NRG3: variants seen among roughly 807,000 people sequenced by gnomAD.
NRG3 encodes the protein pro-neuregulin-3, membrane-bound isoform.
In NRG3, 31 loss-of-function variants were observed where a neutral mutation model predicts 66.9. The ratio of observed to expected loss-of-function variants is 0.46; its 90% confidence interval spans 0.35 to 0.63. The LOEUF (loss-of-function observed/expected upper bound fraction) is 0.63. NRG3 is among the 20% of genes least tolerant of loss of function. NRG3 has a pLI of 0.00. For synonymous variants in NRG3, 393 were observed against 359.4 expected (o/e 1.09, Z -1.06); for missense variants, 910 against 878.9 (o/e 1.04, Z -0.45).
At chr10:82,441,642 C>T (rs1349249157) in intron 2 of NRG3, among the ~76,000 whole-genome samples, 1 of 152,084 alleles carries the variant, frequency 6.6e-6, no homozygotes, top group Non-Finnish European at 1.5e-5. Flanking sequence ...GGAAGAGGAT[C>T]CCCGCAAATC....
intron 1 of NRG3, among the ~76,000 whole-genome samples, chr10:82,220,414 G>A (rs568380753): frequency 6.6e-6 from 1 of 152,206 alleles, no homozygotes; most frequent in South Asian, 2.1e-4. Flanking sequence ...TGTGAGCCTA[G>A]AGTGAAAAAC....
chr10:82,924,988 C>T (rs1846837991), intron 4 of NRG3, among the ~76,000 whole-genome samples: 1 of 152,176 alleles, frequency 6.6e-6, no homozygotes, highest in Non-Finnish European at 1.5e-5. Flanking sequence ...AGTGATTACT[C>T]ATCACATGCC....
At chr10:82,422,848 T>C (rs988128718) in intron 2 of NRG3, among the ~76,000 whole-genome samples, 4 of 151,944 alleles carry the variant, frequency 2.6e-5, no homozygotes, top group African/African-American at 9.7e-5. Context: ...TTGTTGAGAG[T>C]GGCATGCTCA....
At position 82,189,824 on chromosome 10, in the gene NRG3, G is replaced by T. The variant is rs140894820; in HGVS notation, c.824-168915G>T. Among the ~76,000 whole-genome samples, 381 of 151,878 alleles carry T rather than the reference G, an allele frequency of 2.5e-3. 3 individuals are homozygous for T. The highest frequency in any genetic ancestry group is 8.8e-3 in the African/African-American group (366 of 41,460). ...AAATAAATAAATAAATTAGCCAGATGTGGTGGCGAGCACCTGTAATCCCAG... is the reference window on the plus strand; with the variant it reads ...AAATAAATAAATAAATTAGCCAGATTTGGTGGCGAGCACCTGTAATCCCAG... On this transcript the variant is annotated intron_variant, in intron 1 of 8. Coordinates refer to ENST00000372141, the MANE Select transcript of NRG3 (RefSeq NM_001010848.4).
chr10:82,389,568 A>G (rs1005828547), intron 2 of NRG3, among the ~76,000 whole-genome samples: 1 of 152,210 alleles, frequency 6.6e-6, no homozygotes, highest in Non-Finnish European at 1.5e-5. Flanking sequence ...GAAGAAAAAA[A>G]TACAAACATT....
intron 1 of NRG3, among the ~76,000 whole-genome samples, chr10:82,244,806 T>C (rs1392477642): frequency 6.6e-6 from 1 of 152,094 alleles, no homozygotes. Context: ...TGATCTCGGC[T>C]CACTGCAACT....
intron 1 of NRG3, among the ~76,000 whole-genome samples, chr10:82,199,763 G>A (rs1196818033): frequency 6.6e-6 from 1 of 151,990 alleles, no homozygotes; most frequent in African/African-American, 2.4e-5. Context: ...TCTACACTTG[G>A]TGCCTACAAT....
Position 82,159,025 on chromosome 10 carries a change from A to G in NRG3, c.824-199714A>G, listed in dbSNP as rs187390205. Reference sequence around the variant, plus strand: ...AGTCTTTAGCTGTAGATAGGTTTCAATTTTTTTTAGTAGGCTTCAAATTCC... The same window carrying G: ...AGTCTTTAGCTGTAGATAGGTTTCAGTTTTTTTTAGTAGGCTTCAAATTCC... On this transcript the variant is annotated intron_variant, in intron 1 of 8. Transcript: ENST00000372141. Among the ~76,000 whole-genome samples the G allele has an allele frequency of 3.3e-5, 5 of 151,798 alleles. No homozygotes were observed. The East Asian group carries it at 7.7e-4, about 23-fold the overall frequency.
intron 1 of NRG3, among the ~76,000 whole-genome samples, chr10:82,214,558 G>A (rs1162691993): frequency 2.0e-5 from 3 of 152,132 alleles, no homozygotes; most frequent in African/African-American, 7.2e-5. Flanking sequence ...TCAAACACCT[G>A]GGCCCAAGTG....
At chr10:82,446,261 G>C (rs1487567772) in intron 2 of NRG3, among the ~76,000 whole-genome samples, 2 of 152,150 alleles carry the variant, frequency 1.3e-5, no homozygotes, top group Non-Finnish European at 2.9e-5. Flanking sequence ...AACTCACGCA[G>C]TATTGGCACA....
intron 1 of NRG3, among the ~76,000 whole-genome samples, chr10:81,941,679 T>G (rs1848416436): frequency 1.3e-5 from 2 of 152,108 alleles, no homozygotes; most frequent in African/African-American, 4.8e-5. Flanking sequence ...GGCCCCTGCT[T>G]TTCCTAGCAG....
chr10:82,898,605 G>T (rs768380905), intron 4 of NRG3, among the ~76,000 whole-genome samples: 86 of 152,144 alleles, frequency 5.7e-4, no homozygotes, highest in South Asian at 2.5e-3. Flanking sequence ...GAGGAAATCA[G>T]AGTGAGAAGG....
At chr10:82,769,741 G>T (rs1027954507) in intron 3 of NRG3, among the ~76,000 whole-genome samples, 1 of 152,068 alleles carries the variant, frequency 6.6e-6, no homozygotes, top group Non-Finnish European at 1.5e-5. Context: ...TTTCTCCTAA[G>T]TGTGGATTTA....
intron 1 of NRG3, among the ~76,000 whole-genome samples, chr10:82,037,387 A>T (rs1286602387): frequency 6.6e-6 from 1 of 152,160 alleles, no homozygotes; most frequent in African/African-American, 2.4e-5. Context: ...CTAGGGCCAA[A>T]GGCAAGCTAC....
intron 3 of NRG3, among the ~76,000 whole-genome samples, chr10:82,786,286 G>T (rs1236873937): frequency 6.6e-6 from 1 of 152,160 alleles, no homozygotes; most frequent in East Asian, 1.9e-4. Flanking sequence ...TAGGGACAGG[G>T]CTTCATGAGG....
At chr10:81,891,880 G>A (rs2132562767) in intron 1 of NRG3, among the ~76,000 whole-genome samples, 1 of 152,230 alleles carries the variant, frequency 6.6e-6, no homozygotes, top group East Asian at 1.9e-4. Flanking sequence ...TTAAATTTGA[G>A]ATTAGAATCT....
intron 1 of NRG3, among the ~76,000 whole-genome samples, chr10:81,948,284 C>T (rs763192762): frequency 6.6e-6 from 1 of 152,170 alleles, no homozygotes. Flanking sequence ...TCAGGCATAG[C>T]CTCACCCATT....
intron 4 of NRG3, among the ~76,000 whole-genome samples, chr10:82,922,504 G>A (rs1274121040): frequency 6.6e-6 from 1 of 152,142 alleles, no homozygotes; most frequent in Non-Finnish European, 1.5e-5. Context: ...CTGTGAATGA[G>A]TTACAGGTCC....
At chr10:82,269,783 G>A (rs1435450272) in intron 1 of NRG3, among the ~76,000 whole-genome samples, 1 of 152,052 alleles carries the variant, frequency 6.6e-6, no homozygotes, top group East Asian at 1.9e-4. Context: ...GAAGGTCTGG[G>A]GTGAATCCTG....
Sources: gnomAD v4.1 joint callset for allele counts (sites outside exome capture counted in the v4.1 genomes callset) on GRCh38, gnomAD v4.1.1 for gene constraint, MANE v1.5 for transcripts, NCBI Gene and HGNC (gene_info 2026-07-23, HGNC 2026-07-21) for gene names.